Variants in ABTB2 observed in about 807,000 individuals in gnomAD.
ABTB2 encodes the protein ankyrin repeat and BTB domain containing 2.
ABTB2 carries 56 observed loss-of-function variants against 104.1 expected under a neutral mutation model. The ratio of observed to expected loss-of-function variants is 0.54; its 90% CI spans 0.43 to 0.67. ABTB2 has a LOEUF of 0.67. Among genes scored for constraint, ABTB2 ranks in the 30% least tolerant of loss-of-function variants. ABTB2 has a pLI of 0.00. For missense variants in ABTB2, 1,279 were observed against 1,407.7 expected, an observed-to-expected ratio of 0.91 and a Z score of 1.46; for synonymous variants, 606 against 608.2, an observed-to-expected ratio of 1.00 and a Z score of 0.05.
intron 1 of ABTB2, among the ~76,000 whole-genome samples, chr11:34,293,072 A>G (rs147680214): frequency 4.9e-4 from 74 of 152,322 alleles, no homozygotes; most frequent in Admixed American, 4.3e-3. Flanking sequence ...TGTGCCTCAG[A>G]CTAGAGCAAC....
chr11:34,308,069 T>G (rs1854799610), intron 1 of ABTB2, among the ~76,000 whole-genome samples: 1 of 152,172 alleles, frequency 6.6e-6, no homozygotes, highest in African/African-American at 2.4e-5. Flanking sequence ...TTGGGCAAGT[T>G]ACTTCACTTC....
chr11:34,207,092 G>A (rs1321258118), intron 1 of ABTB2, among the ~76,000 whole-genome samples: 1 of 152,210 alleles, frequency 6.6e-6, no homozygotes, highest in East Asian at 1.9e-4. Flanking sequence ...AGAGCTGGCC[G>A]TAAGCTTTAA....
chr11:34,179,981 T>C (rs1241769304), intron 3 of ABTB2, among the ~76,000 whole-genome samples: 1 of 152,244 alleles, frequency 6.6e-6, no homozygotes, highest in Non-Finnish European at 1.5e-5. Flanking sequence ...CTTACCATCA[T>C]ATTTGGAACA....
chr11:34,155,722 A>T (rs1469427077), intron 14 of ABTB2, among the ~76,000 whole-genome samples: 1 of 152,112 alleles, frequency 6.6e-6, no homozygotes, highest in Admixed American at 6.5e-5. Context: ...GCATCAGGAG[A>T]TGTTGGCCAA....
chr11:34,267,287 G>C (rs1854263789), intron 1 of ABTB2, among the ~76,000 whole-genome samples: 1 of 152,106 alleles, frequency 6.6e-6, no homozygotes. Flanking sequence ...GGTCACCACG[G>C]CAGACAGGGA....
chr11:34,209,894 T>G (rs1590217663), intron 1 of ABTB2, among the ~76,000 whole-genome samples: 1 of 145,832 alleles, frequency 6.9e-6, no homozygotes, highest in Admixed American at 6.8e-5. Flanking sequence ...AGGAGTAGGG[T>G]CAATGGTAGG....
At chr11:34,169,436 T>C (rs1852840600) in intron 5 of ABTB2, among the ~76,000 whole-genome samples, 1 of 152,110 alleles carries the variant, frequency 6.6e-6, no homozygotes, top group Admixed American at 6.5e-5. Flanking sequence ...CCCAACCCTA[T>C]GTGTCAGGTG....
intron 1 of ABTB2, among the ~76,000 whole-genome samples, chr11:34,315,062 C>T (rs1039255212): frequency 3.3e-5 from 5 of 152,224 alleles, no homozygotes; most frequent in Non-Finnish European, 5.9e-5. Context: ...GAAAAGTCCT[C>T]GCCAGAAGGG....
chr11:34,318,772 T>C (rs1854969051), intron 1 of ABTB2, among the ~76,000 whole-genome samples: 1 of 152,124 alleles, frequency 6.6e-6, no homozygotes, highest in Non-Finnish European at 1.5e-5. Context: ...AGTTGGGAGG[T>C]GACCCATAAT....
At position 34,265,734 on chromosome 11, in the gene ABTB2, C is replaced by T. The variant is rs1399591881; in HGVS notation, c.884-61044G>A. Among the ~76,000 whole-genome samples, 8 of 150,364 alleles carry T rather than the reference C, an allele frequency of 5.3e-5. No individual in the cohort carries two copies. The South Asian group carries it at 8.4e-4, about 16-fold the overall frequency. ...CTGTAAACCCAACAATTTAGGAGGC[C>T]GAGGTGGGTGGATCATCTGAGGTCA... On this transcript the variant is annotated intron_variant, in intron 1 of 16. Coordinates refer to ENST00000435224, the MANE Select transcript of ABTB2 (RefSeq NM_145804.3).
intron 1 of ABTB2, among the ~76,000 whole-genome samples, chr11:34,315,050 T>C (rs1854908694): frequency 6.6e-6 from 1 of 152,184 alleles, no homozygotes; most frequent in Non-Finnish European, 1.5e-5. Flanking sequence ...AAACAAAGAC[T>C]GGAAAAGTCC....
chr11:34,195,608 GACAGGAGGTACAGTGTAGTGGTT>G (rs1432269676), intron 3 of ABTB2, among the ~76,000 whole-genome samples: 2 of 152,198 alleles, frequency 1.3e-5, no homozygotes, highest in Non-Finnish European at 2.9e-5. Flanking sequence ...TCCTCTTAGT[GACAGGAGGTACAGTGTAGTGGTT>G]ATGAGCCTGT....
chr11:34,179,390 T>C lies in ABTB2; in HGVS notation c.1245-6083A>G, dbSNP rs567491017. Among the ~76,000 whole-genome samples, 261 of 152,296 alleles carry C rather than the reference T, an allele frequency of 1.7e-3. 3 individuals carry two copies. The highest frequency in any genetic ancestry group is 6.8e-3 in the Middle Eastern group (2 of 294). On this transcript the variant is annotated intron_variant, in intron 3 of 16. Transcript: ENST00000435224. ...CCTCAGGGGTCCCTGGACCACACTT[T>C]GAGGACTGTTGCTGTGGAAGACCAC...
intron 4 of ABTB2, among the ~76,000 whole-genome samples, chr11:34,172,419 T>TGA (rs1852891374): frequency 2.9e-5 from 1 of 34,800 alleles, no homozygotes; most frequent in Non-Finnish European, 7.9e-5. Flanking sequence ...TATATATATA[T>TGA]GTGTGTGTGT....
chr11:34,196,056 G>A (rs889621494), intron 3 of ABTB2, among the ~76,000 whole-genome samples: 4 of 152,128 alleles, frequency 2.6e-5, no homozygotes, highest in Non-Finnish European at 5.9e-5. Context: ...TTCCTAAACT[G>A]AGTGCAAGCC....
chr11:34,198,275 A>G (rs953123092), intron 2 of ABTB2, among the ~76,000 whole-genome samples: 5 of 152,012 alleles, frequency 3.3e-5, no homozygotes, highest in African/African-American at 1.2e-4. Context: ...AAATACAAAA[A>G]ATAGTCAGGG....
chr11:34,297,460 TC>T (rs1590245886), intron 1 of ABTB2, among the ~76,000 whole-genome samples: 1 of 152,174 alleles, frequency 6.6e-6, no homozygotes, highest in African/African-American at 2.4e-5. Flanking sequence ...ATCATCTTGC[TC>T]AGACTCAGTG....
chr11:34,167,445 A>G (rs755276364), intron 6 of ABTB2, 85 bp from the exon 7 acceptor site: 76 of 1,074,550 alleles, frequency 7.1e-5, no homozygotes, highest in Admixed American at 3.3e-4. Flanking sequence ...AGAGTTAACA[A>G]GTGCTTTCTA....
intron 1 of ABTB2, among the ~76,000 whole-genome samples, chr11:34,295,292 A>AC (rs1854608928): frequency 6.6e-6 from 1 of 152,210 alleles, no homozygotes; most frequent in African/African-American, 2.4e-5. Context: ...TACACAGGCT[A>AC]GAGGTCGTGG....
Sources: allele counts gnomAD v4.1 joint callset (sites outside exome capture counted in the v4.1 genomes callset), GRCh38; gene constraint gnomAD v4.1.1; transcripts MANE v1.5; gene names NCBI Gene and HGNC (gene_info 2026-07-23, HGNC 2026-07-21).